SH2D4A: variants seen among roughly 807,000 people sequenced by gnomAD.
The protein encoded by SH2D4A is SH2 domain containing 4A.
Under a neutral mutation model 64.7 loss-of-function variants are expected in SH2D4A, and 70 were observed. That is an observed-to-expected ratio of 1.08 (90% CI 0.89 to 1.32). SH2D4A has a LOEUF of 1.32. SH2D4A is among the 40% of genes most tolerant of loss of function. SH2D4A has a pLI of 0.00. For missense variants in SH2D4A, 706 were observed against 540.1 expected, an observed-to-expected ratio of 1.31 and a Z score of -3.04; for synonymous variants, 268 against 200.7, an observed-to-expected ratio of 1.34 and a Z score of -2.83.
chr8:19,314,644 T>C (rs190668204), intron 1 of SH2D4A, among the ~76,000 whole-genome samples: 1 of 152,272 alleles, frequency 6.6e-6, no homozygotes, highest in Non-Finnish European at 1.5e-5. Context: ...AAACAGATGC[T>C]CCTCATCGCT....
chr8:19,385,713 AC>A (rs1033005227), intron 8 of SH2D4A, among the ~76,000 whole-genome samples: 1 of 151,814 alleles, frequency 6.6e-6, no homozygotes, highest in Non-Finnish European at 1.5e-5. Context: ...ACCAGATACC[AC>A]CCCCAACAGA....
chr8:19,346,125 C>G (rs1391983671), intron 4 of SH2D4A, among the ~76,000 whole-genome samples: 3 of 152,216 alleles, frequency 2.0e-5, no homozygotes, highest in Non-Finnish European at 2.9e-5. Flanking sequence ...GAAACCATAG[C>G]ACCCAACACA....
At chr8:19,316,060 G>A (rs1233231884) in intron 1 of SH2D4A, among the ~76,000 whole-genome samples, 3 of 152,176 alleles carry the variant, frequency 2.0e-5, no homozygotes, top group Non-Finnish European at 4.4e-5. Context: ...TGCTGAGCTT[G>A]AGTTGGGGTC....
At chr8:19,386,639 C>G (rs1025865496) in intron 8 of SH2D4A, among the ~76,000 whole-genome samples, 1 of 152,110 alleles carries the variant, frequency 6.6e-6, no homozygotes, top group Non-Finnish European at 1.5e-5. Flanking sequence ...AGGCAAGGGG[C>G]AGGTACAGTG....
At chr8:19,334,173 A>C (rs1466648861) in intron 3 of SH2D4A, among the ~76,000 whole-genome samples, 1 of 152,062 alleles carries the variant, frequency 6.6e-6, no homozygotes, top group Non-Finnish European at 1.5e-5. Context: ...GGAAATTGGG[A>C]CAGACATGAG....
At position 19,319,250 on chromosome 8, in the gene SH2D4A, T is replaced by A. The variant is rs558503843; in HGVS notation, c.-204-94T>A. ...TTCTCTCTGAACTGAAAAGTGATAC[T>A]GTGTTTCCTCCTAGCTTTTTTTTTT... On this transcript the variant is annotated intron_variant, in intron 1 of 9. Coordinates refer to ENST00000265807, the MANE Select transcript of SH2D4A (RefSeq NM_022071.4). 255 of 952,136 alleles carry A rather than the reference T, an allele frequency of 2.7e-4. 3 individuals carry two copies. The highest frequency in any genetic ancestry group is 4.5e-4 in the Middle Eastern group (1 of 2,202). The allele number at this position is 952,136 out of a possible 1,614,324, so 59.0% of individuals were successfully genotyped here. A position where few individuals can be genotyped will look rare whatever the true frequency, so the allele number is the denominator to read the frequency against.
chr8:19,333,542 T>A (rs1282607973), intron 3 of SH2D4A, among the ~76,000 whole-genome samples: 1 of 152,134 alleles, frequency 6.6e-6, no homozygotes, highest in African/African-American at 2.4e-5. Context: ...CTGTGCAAGC[T>A]TCAGGCCTTC....
At chr8:19,322,210 A>AGAC (rs2052202476) in intron 2 of SH2D4A, among the ~76,000 whole-genome samples, 1 of 152,126 alleles carries the variant, frequency 6.6e-6, no homozygotes, top group African/African-American at 2.4e-5. Flanking sequence ...AGACCGTCCA[A>AGAC]AGCAATGCTG....
intron 5 of SH2D4A, among the ~76,000 whole-genome samples, chr8:19,359,477 C>G (rs953717471): frequency 1.3e-5 from 2 of 152,096 alleles, no homozygotes; most frequent in Non-Finnish European, 2.9e-5. Flanking sequence ...AAAATAAACA[C>G]GTATGCATGT....
intron 7 of SH2D4A, among the ~76,000 whole-genome samples, chr8:19,371,298 ATCTTTC>A (rs2053091067): frequency 6.6e-6 from 1 of 151,976 alleles, no homozygotes; most frequent in Non-Finnish European, 1.5e-5. Context: ...GTGTGGAAAA[ATCTTTC>A]TCTTTCCTTT....
At chr8:19,365,459 G>A (rs1317987833) in intron 7 of SH2D4A, among the ~76,000 whole-genome samples, 1 of 152,140 alleles carries the variant, frequency 6.6e-6, no homozygotes, top group Non-Finnish European at 1.5e-5. Context: ...AGGTGCACAC[G>A]GCTCTAAGTG....
At chr8:19,324,779 A>G (rs2052250366) in intron 2 of SH2D4A, among the ~76,000 whole-genome samples, 1 of 152,222 alleles carries the variant, frequency 6.6e-6, no homozygotes, top group African/African-American at 2.4e-5. Flanking sequence ...GAGCTAGGAA[A>G]ATGCACAGAG....
intron 4 of SH2D4A, among the ~76,000 whole-genome samples, chr8:19,338,497 A>G (rs1227905205): frequency 6.6e-6 from 1 of 152,210 alleles, no homozygotes; most frequent in African/African-American, 2.4e-5. Flanking sequence ...GCTTAATCGC[A>G]TGAGTCCTTA....
chr8:19,319,084 C>G (rs1585140790), intron 1 of SH2D4A, among the ~76,000 whole-genome samples: 1 of 149,908 alleles, frequency 6.7e-6, no homozygotes, highest in East Asian at 1.9e-4. Context: ...CCTCTGTGAA[C>G]TTTTTTTGTT....
In SH2D4A at chr8:19,364,195, T is replaced by G. The variant is rs747272557; in HGVS notation, c.830T>G (p.Leu277Trp). The change falls in exon 7 of 10, where the codon TTG (leucine) becomes TGG (tryptophan). Residue 277 changes from leucine to tryptophan, a missense_variant. Transcript: ENST00000265807. ...GRGGERLQSP[L>W]RVPQKPERPP... ...GGCGGTGAGAGGCTGCAAAGCCCCT[T>G]GCGTGTTCCGCAGAAACCAGAAAGA... 3.1e-6 allele frequency: 5 copies of G among 1,614,038 alleles called. No homozygotes were observed. In the East Asian group the frequency reaches 6.7e-5, roughly 22 times the overall value.
rs2052416838 is a variant in SH2D4A, at chr8:19,334,725, A to G, written c.381A>G (p.Thr127=). 1 of 1,609,766 alleles carries G rather than the reference A, an allele frequency of 6.2e-7. No homozygotes were observed. Among genetic ancestry groups the G allele is most frequent in the African/African-American group, 1.3e-5 (1 of 74,666 alleles). ...HSEEFTNSLK[T]KSQYHDLQAP... is the part of the protein sequence containing the mutation. ...AAGAATTCACCAATAGCTTGAAAAC[A>G]AAATCACAGTACCATGATCTGCAGG... The change falls in exon 4 of 10, where the codon ACA becomes ACG. Residue 127 remains threonine, a synonymous_variant. Transcript: ENST00000265807.
intron 6 of SH2D4A, among the ~76,000 whole-genome samples, chr8:19,363,463 G>C (rs536831937): frequency 6.6e-6 from 1 of 152,264 alleles, no homozygotes; most frequent in South Asian, 2.1e-4. Flanking sequence ...CTCTCATTAA[G>C]TCACTAGTGA....
chr8:19,339,495 CTTTT>C (rs5889867), intron 4 of SH2D4A, among the ~76,000 whole-genome samples: 1 of 129,026 alleles, frequency 7.8e-6, no homozygotes, highest in Non-Finnish European at 1.6e-5. Flanking sequence ...TATAAACTTT[CTTTT>C]TTTTTTTTTT....
At chr8:19,342,778 T>A (rs2052549098) in intron 4 of SH2D4A, among the ~76,000 whole-genome samples, 1 of 152,182 alleles carries the variant, frequency 6.6e-6, no homozygotes, top group East Asian at 1.9e-4. Flanking sequence ...TCCCCTCCAC[T>A]AGCAGTGATA....
Sources: gnomAD v4.1 joint callset for allele counts (sites outside exome capture counted in the v4.1 genomes callset) on GRCh38, gnomAD v4.1.1 for gene constraint, MANE v1.5 for transcripts, NCBI Gene and HGNC (gene_info 2026-07-23, HGNC 2026-07-21) for gene names.